TBX15: variants seen among roughly 807,000 people sequenced by gnomAD.
TBX15 encodes the protein T-box transcription factor TBX15.
In TBX15, 18 loss-of-function variants were observed where a neutral mutation model predicts 53.9. That is an observed-to-expected ratio of 0.33 (90% CI 0.23 to 0.49). The LOEUF is 0.49. Ranked by LOEUF, TBX15 falls within the 20% of genes least tolerant of loss-of-function variation. TBX15 has a pLI of 0.98. For synonymous variants in TBX15, 295 were observed against 278.0 expected (o/e 1.06, Z -0.61); for missense variants, 692 against 749.5 (o/e 0.92, Z 0.90).
chr1:118,913,868 T>C (rs1655103418), intron 6 of TBX15, among the ~76,000 whole-genome samples: 1 of 152,198 alleles, frequency 6.6e-6, no homozygotes, highest in Non-Finnish European at 1.5e-5. Context: ...TAAAATTTGT[T>C]TTAAGTGACT....
At chr1:118,910,072 G>T (rs191576247) in intron 6 of TBX15, among the ~76,000 whole-genome samples, 1 of 152,234 alleles carries the variant, frequency 6.6e-6, no homozygotes, top group African/African-American at 2.4e-5. Flanking sequence ...TGTTGTGGGT[G>T]GCTGTGTCCT....
At position 118,987,868 on chromosome 1, in the gene TBX15, C is replaced by A. The variant is rs1657895861; in HGVS notation, c.-73G>T. On this transcript the variant is annotated 5_prime_UTR_variant, in exon 1 of 8. Coordinates refer to ENST00000369429, the MANE Select transcript of TBX15 (RefSeq NM_001330677.2). The stretch of plus-strand genomic sequence containing the variant: ...GCAGCCGGCGCCCTCAAGCTCTGAG[C>A]GCCCACCGGGCCCGGCCCGGGAGAG... 5.2e-6 allele frequency: 8 copies of A among 1,525,176 alleles called. No homozygotes were observed. In the East Asian group the frequency reaches 2.0e-4, roughly 38 times the overall value. 94.5% of individuals were successfully genotyped at this position (1,525,176 alleles called of 1,614,324 possible).
chr1:118,924,624 G>A (rs756356225), intron 4 of TBX15, 22 bp downstream of exon 4: 2 of 1,613,704 alleles, frequency 1.2e-6, no homozygotes, highest in East Asian at 2.2e-5. Context: ...AAAGAAAGGG[G>A]AGATAGGATT....
chr1:118,940,214 G>C lies in TBX15; in HGVS notation c.206-8382C>G, dbSNP rs753859565. On this transcript the variant is annotated intron_variant, in intron 1 of 7. Coordinates refer to ENST00000369429, the MANE Select transcript of TBX15 (RefSeq NM_001330677.2). The stretch of plus-strand genomic sequence containing the variant: ...AGGAAAATTCAAACGAAGGTCTGAT[G>C]GGAATTTTCCCCTGTTAGTACAAGG... Among the ~76,000 whole-genome samples, 7 of 151,894 alleles carry C rather than the reference G, an allele frequency of 4.6e-5. 1 individual carries two copies. The South Asian group carries it at 1.0e-3, about 22-fold the overall frequency.
At chr1:118,977,058 C>T (rs573258970) in intron 1 of TBX15, among the ~76,000 whole-genome samples, 2 of 152,256 alleles carry the variant, frequency 1.3e-5, no homozygotes, top group South Asian at 4.1e-4. Context: ...ATTTATTATT[C>T]CAATTTCATA....
At chr1:118,915,975 A>T (rs1015078569) in intron 5 of TBX15, among the ~76,000 whole-genome samples, 1 of 152,256 alleles carries the variant, frequency 6.6e-6, no homozygotes, top group South Asian at 2.1e-4. Context: ...TTAGAAAAAA[A>T]CAATATCTGT....
chr1:118,904,027 C>T (rs545063231), intron 6 of TBX15, among the ~76,000 whole-genome samples: 5 of 152,226 alleles, frequency 3.3e-5, no homozygotes, highest in Non-Finnish European at 7.4e-5. Context: ...TTCTAGTAGA[C>T]TTAACAGTAT....
At chr1:118,963,861 A>C (rs1656955736) in intron 1 of TBX15, among the ~76,000 whole-genome samples, 1 of 152,354 alleles carries the variant, frequency 6.6e-6, no homozygotes, top group South Asian at 2.1e-4. Context: ...ATGTTTGCAC[A>C]CTGGAGCCTG....
chr1:118,939,990 G>A (rs1656115851), intron 1 of TBX15, among the ~76,000 whole-genome samples: 1 of 151,824 alleles, frequency 6.6e-6, no homozygotes, highest in South Asian at 2.1e-4. Context: ...TATATAAATG[G>A]GAGGTGTCAG....
At chr1:118,907,403 C>T (rs1190671897) in intron 6 of TBX15, among the ~76,000 whole-genome samples, 1 of 152,158 alleles carries the variant, frequency 6.6e-6, no homozygotes, top group Non-Finnish European at 1.5e-5. Context: ...TATGTGTTTG[C>T]TTTGGAGGAA....
chr1:118,974,502 C>G (rs1277745905), intron 1 of TBX15, among the ~76,000 whole-genome samples: 2 of 152,150 alleles, frequency 1.3e-5, no homozygotes, highest in Non-Finnish European at 2.9e-5. Context: ...AGACATCAGA[C>G]TTCCTAAGAG....
chr1:118,963,964 G>A (rs1439277337), intron 1 of TBX15, among the ~76,000 whole-genome samples: 1 of 152,188 alleles, frequency 6.6e-6, no homozygotes, highest in African/African-American at 2.4e-5. Context: ...GAAGAACGGT[G>A]GAGACCATCT....
chr1:118,884,573 A>T lies in TBX15; in HGVS notation c.*159T>A, dbSNP rs1454908042. On this transcript the variant is annotated 3_prime_UTR_variant, in exon 8 of 8. Coordinates refer to ENST00000369429, the MANE Select transcript of TBX15 (RefSeq NM_001330677.2). ...AAGTATCCTTCACTGGCTTAAAGGT[A>T]TCTCTTGTTCTTGGGTATATGTCTT... 1 of 852,712 alleles carries T rather than the reference A, an allele frequency of 1.2e-6. No homozygotes were observed. Among genetic ancestry groups the T allele is most frequent in the Non-Finnish European group, 1.8e-6 (1 of 567,532 alleles). 52.8% of individuals were successfully genotyped at this position (852,712 alleles called of 1,614,324 possible). A position where few individuals can be genotyped will look rare whatever the true frequency, so the allele number is the denominator to read the frequency against.
intron 6 of TBX15, among the ~76,000 whole-genome samples, chr1:118,906,194 C>T (rs376841118): frequency 3.3e-5 from 5 of 152,246 alleles, no homozygotes; most frequent in African/African-American, 1.2e-4. Context: ...TATGAAATTG[C>T]TAGCATTTTG....
In TBX15 at chr1:118,987,830, C is replaced by A. The variant is rs1287370398; in HGVS notation, c.-35G>T. On this transcript the variant is annotated 5_prime_UTR_variant, in exon 1 of 8. Coordinates refer to ENST00000369429, the MANE Select transcript of TBX15 (RefSeq NM_001330677.2). ...CCACACCCCTGCCTCCGCTTGCCCCCGCTACCGAGGGAGCAGCCGGCGCCC... is the reference window on the plus strand; with the variant it reads ...CCACACCCCTGCCTCCGCTTGCCCCAGCTACCGAGGGAGCAGCCGGCGCCC... 1.1e-4 allele frequency: 167 copies of A among 1,545,048 alleles called. 1 individual carries two copies. The highest frequency in any genetic ancestry group is 1.4e-4 in the Non-Finnish European group (165 of 1,144,604).
chr1:118,934,393 G>A (rs916354051), intron 1 of TBX15, among the ~76,000 whole-genome samples: 1 of 152,126 alleles, frequency 6.6e-6, no homozygotes, highest in African/African-American at 2.4e-5. Context: ...AATTGAGTGG[G>A]TATTCTATAA....
intron 6 of TBX15, among the ~76,000 whole-genome samples, chr1:118,899,397 G>T (rs1654541814): frequency 1.3e-5 from 2 of 152,106 alleles, no homozygotes; most frequent in South Asian, 4.1e-4. Flanking sequence ...GGCTAGGTCT[G>T]CAGGCAAAAA....
chr1:118,886,119 G>C (rs1653937342), intron 7 of TBX15, among the ~76,000 whole-genome samples: 1 of 152,118 alleles, frequency 6.6e-6, no homozygotes, highest in African/African-American at 2.4e-5. Flanking sequence ...TGAGATTGAA[G>C]TTGCATCACA....
intron 7 of TBX15, 64 bp from the exon 8 acceptor site, chr1:118,885,580 A>G (rs1174501750): frequency 1.2e-5 from 18 of 1,542,128 alleles, no homozygotes; most frequent in Admixed American, 5.9e-5. Flanking sequence ...CCTAAGTCAC[A>G]TGCAAGCCAT....
Sources: allele counts gnomAD v4.1 joint callset (sites outside exome capture counted in the v4.1 genomes callset), GRCh38; gene constraint gnomAD v4.1.1; transcripts MANE v1.5; gene names NCBI Gene and HGNC (gene_info 2026-07-23, HGNC 2026-07-21).